The following ARAP2 variants were observed in gnomAD, a reference collection of about 807,000 sequenced individuals.
The protein encoded by ARAP2 is arf-GAP with Rho-GAP domain, ANK repeat and PH domain-containing protein 2.
Under a neutral mutation model 194.5 loss-of-function variants are expected in ARAP2, and 148 were observed. That is an observed-to-expected ratio of 0.76 (90% CI 0.67 to 0.87). ARAP2 has a LOEUF of 0.87. Among genes scored for constraint, ARAP2 ranks in the 40% least tolerant of loss-of-function variants. The pLI is 0.00. For synonymous variants in ARAP2, 695 were observed against 683.5 expected, an observed-to-expected ratio of 1.02 and a Z score of -0.26; for missense variants, 2,128 against 1,989.7, an observed-to-expected ratio of 1.07 and a Z score of -1.32.
At chr4:36,205,939 G>A (rs1431465163) in intron 6 of ARAP2, among the ~76,000 whole-genome samples, 1 of 152,210 alleles carries the variant, frequency 6.6e-6, no homozygotes, top group African/African-American at 2.4e-5. Context: ...GAAATGCCCA[G>A]CTAATTTGCA....
At chr4:36,092,336 G>A (rs551297370) in intron 27 of ARAP2, among the ~76,000 whole-genome samples, 8 of 152,248 alleles carry the variant, frequency 5.3e-5, no homozygotes, top group Non-Finnish European at 8.8e-5. Flanking sequence ...TCGGCTGGGC[G>A]CAGTGGCTCA....
chr4:36,173,475 T>TA (rs1371414367), intron 9 of ARAP2, among the ~76,000 whole-genome samples: 5 of 152,006 alleles, frequency 3.3e-5, no homozygotes, highest in African/African-American at 1.2e-4. Flanking sequence ...AAAAACAGTT[T>TA]AGGACATAGA....
chr4:36,014,295 A>AAGAAGAGAAGAGAAG (rs1553861835), intron 8 of ARAP2, among the ~76,000 whole-genome samples: 11 of 143,252 alleles, frequency 7.7e-5, no homozygotes, highest in African/African-American at 2.5e-4. Flanking sequence ...GAAAGAAAGA[A>AAGAAGAGAAGAGAAG]AGAAGAGAAG....
chr4:36,118,404 A>G (rs1379128842), intron 24 of ARAP2, among the ~76,000 whole-genome samples: 1 of 151,282 alleles, frequency 6.6e-6, no homozygotes, highest in African/African-American at 2.4e-5. Flanking sequence ...GAATGTCAGA[A>G]AAAAATACTC....
At chr4:36,147,153 A>G in intron 19 of ARAP2, 143 bp downstream of exon 19, 1 of 619,626 alleles carries the variant, frequency 1.6e-6, no homozygotes, top group South Asian at 2.4e-5. Flanking sequence ...GAGCTAATAT[A>G]TACTATATAT....
chr4:36,159,506 C>A lies in ARAP2; in HGVS notation c.2443-1G>T. ...GTTTCACTACAGCAGCACATAGAGC[C>A]TGGTCATTAAAAGAAAATATACATC... On this transcript the variant is annotated splice_acceptor_variant, in intron 13 of 32. Transcript: ENST00000303965. LOFTEE classifies it high-confidence loss of function. 1.3e-6 allele frequency: 2 copies of A among 1,510,944 alleles called. No individual in the cohort carries two copies. The highest frequency in any genetic ancestry group is 1.3e-5 in the South Asian group (1 of 75,726). The allele number at this position is 1,510,944 out of a possible 1,614,324, so 93.6% of individuals were successfully genotyped here. A position where few individuals can be genotyped will look rare whatever the true frequency, so the allele number is the denominator to read the frequency against.
In ARAP2 at chr4:36,030,959, G is replaced by A. The variant is rs571454518; in HGVS notation, n.608-11673C>T. Among the ~76,000 whole-genome samples, 15 of 152,052 alleles carry A rather than the reference G, an allele frequency of 9.9e-5. No homozygotes were observed. In the South Asian group the frequency reaches 1.5e-3, roughly 15 times the overall value. ...ATCCTGGCCAACATGGTGAAACCCT[G>A]TCTCTACTAAAAATACAAAAATTAG... On this transcript the variant is annotated intron_variant and non_coding_transcript_variant, in intron 5 of 12. Transcript: ENST00000503225.
At chr4:36,113,374 A>G (rs1265607497) in intron 26 of ARAP2, among the ~76,000 whole-genome samples, 1 of 152,024 alleles carries the variant, frequency 6.6e-6, no homozygotes, top group African/African-American at 2.4e-5. Context: ...GAATAAAAAC[A>G]TAAAGACAAA....
chr4:36,221,321 TACAC>T (rs1386405712), intron 2 of ARAP2, among the ~76,000 whole-genome samples: 1 of 152,038 alleles, frequency 6.6e-6, no homozygotes, highest in African/African-American at 2.4e-5. Flanking sequence ...TGCATGTGTA[TACAC>T]ACACACATAT....
At chr4:36,018,105 G>C (rs1716206015) in intron 6 of ARAP2, among the ~76,000 whole-genome samples, 1 of 152,232 alleles carries the variant, frequency 6.6e-6, no homozygotes, top group East Asian at 1.9e-4. Flanking sequence ...GTGACTTAAA[G>C]TATACAAAGT....
chr4:36,040,692 T>C (rs773964078), intron 5 of ARAP2, among the ~76,000 whole-genome samples: 5 of 66,952 alleles, frequency 7.5e-5, no homozygotes, highest in African/African-American at 1.8e-4. Flanking sequence ...ATTGATTTTG[T>C]ATCTAGAAAC....
At chr4:36,156,375 G>GAGGGAGGT (rs1732371988) in intron 15 of ARAP2, among the ~76,000 whole-genome samples, 1 of 10,104 alleles carries the variant, frequency 9.9e-5, no homozygotes, top group African/African-American at 5.4e-4. Context: ...GGGAGGGAGG[G>GAGGGAGGT]GGAAAGAGAG....
chr4:36,225,208 G>A (rs977518909), intron 2 of ARAP2, among the ~76,000 whole-genome samples: 3 of 152,018 alleles, frequency 2.0e-5, no homozygotes, highest in African/African-American at 7.3e-5. Context: ...TTCTTCATTT[G>A]CCCTTACCCC....
intron 22 of ARAP2, 35 bp from the exon 23 acceptor site, chr4:36,121,361 T>C (rs747404167): frequency 1.3e-6 from 2 of 1,517,920 alleles, no homozygotes; most frequent in Admixed American, 2.1e-5. Flanking sequence ...TATGATACAC[T>C]TTTATTTGGA....
chr4:36,209,356 T>A, intron 6 of ARAP2: 1 of 450,450 alleles, frequency 2.2e-6, no homozygotes, highest in Non-Finnish European at 4.4e-6. Context: ...CAGAAAGAAG[T>A]GACACACATA....
rs548207676 is a variant in ARAP2, at chr4:36,058,966, C to G, written n.148-823G>C. 5.3e-5 allele frequency among the ~76,000 whole-genome samples: 8 copies of G among 152,222 alleles called. No homozygotes were observed. In the South Asian group the frequency reaches 1.7e-3, roughly 32 times the overall value. On this transcript the variant is annotated intron_variant and non_coding_transcript_variant, in intron 1 of 12. Coordinates refer to the ARAP2 transcript ENST00000503225. ...TTCAAGGTGGTCAACATGTAGTTAACAGAGTGATCCATGTGTATGTCTGGA... is the reference window on the plus strand; with the variant it reads ...TTCAAGGTGGTCAACATGTAGTTAAGAGAGTGATCCATGTGTATGTCTGGA...
At chr4:36,033,638 G>A (rs1363078121) in intron 5 of ARAP2, among the ~76,000 whole-genome samples, 1 of 151,956 alleles carries the variant, frequency 6.6e-6, no homozygotes, top group Non-Finnish European at 1.5e-5. Flanking sequence ...CTGTGCAGAA[G>A]CTCTTAAGTT....
chr4:36,133,372 C>G lies in ARAP2; in HGVS notation c.3281G>C (p.Gly1094Ala). The G allele has an allele frequency of 6.2e-7, 1 of 1,610,338 alleles. No homozygotes were observed. The highest frequency in any genetic ancestry group is 2.2e-5 in the East Asian group (1 of 44,694). Residue 1094 changes from glycine to alanine, a missense_variant, in exon 20 of 33, where the codon GGG becomes GCG. Physicochemically the swap from Gly to Ala is moderately conservative, Grantham distance 60. Transcript: ENST00000303965. ...VEKGRTLYIH[G>A]HTKLDFTVWH... is the part of the protein sequence containing the mutation. ...GACTGTGAAATCCAACTTGGTATGC[C>G]CATGGATGTATAATGTTCTGTAAAG...
chr4:36,083,370 T>C lies in ARAP2; in HGVS notation c.4506A>G (p.Thr1502=). ...AGCACTTCCCTTTCAAACTTTACCT[T>C]GTTGGAGGCTTCATTTTCTTTTTCA... ...RGVKKKMKPP[T]SWGLTAYSEK... is the part of the protein sequence containing the mutation. Residue 1502 remains threonine, a splice_region_variant and synonymous_variant, in exon 29 of 33, where the codon ACA becomes ACG. Transcript: ENST00000303965. 1.3e-6 allele frequency: 2 copies of C among 1,599,186 alleles called. No individual in the cohort carries two copies. The highest frequency in any genetic ancestry group is 1.7e-5 in the Admixed American group (1 of 57,886).
Sources: allele counts gnomAD v4.1 joint callset (sites outside exome capture counted in the v4.1 genomes callset), GRCh38; gene constraint gnomAD v4.1.1; transcripts MANE v1.5; gene names NCBI Gene and HGNC (gene_info 2026-07-23, HGNC 2026-07-21).